Variants in AGO2 observed in about 807,000 individuals in gnomAD.
AGO2 encodes the protein argonaute RISC catalytic component 2.
Under a neutral mutation model 102.3 loss-of-function variants are expected in AGO2, and 5 were observed. That is an observed-to-expected ratio of 0.05 (90% CI 0.03 to 0.10). AGO2 has a LOEUF of 0.10. AGO2 is among the 10% of genes least tolerant of loss of function. The pLI, the probability that AGO2 is intolerant of heterozygous loss-of-function variation, is 1.00. For missense variants in AGO2, 541 were observed against 1,183.7 expected (o/e 0.46, Z 7.97); for synonymous variants, 449 against 473.1 (o/e 0.95, Z 0.66).
At chr8:140,560,589 C>T in intron 4 of AGO2, 79 bp from the exon 5 acceptor site, 1 of 1,516,276 alleles carries the variant, frequency 6.6e-7, no homozygotes, top group Non-Finnish European at 8.9e-7. Context: ...TGGGCTTCGC[C>T]TGCGCCCACC....
At chr8:140,629,838 AAAAAG>A (rs1284435872) in intron 1 of AGO2, among the ~76,000 whole-genome samples, 1 of 149,050 alleles carries the variant, frequency 6.7e-6, no homozygotes, top group Non-Finnish European at 1.5e-5. Flanking sequence ...ACCCTGTCAA[AAAAAG>A]AAAAGAAAAG....
At chr8:140,604,062 T>G (rs1020379555) in intron 1 of AGO2, among the ~76,000 whole-genome samples, 5 of 152,210 alleles carry the variant, frequency 3.3e-5, no homozygotes, top group Non-Finnish European at 5.9e-5. Context: ...TAAGTTGGCC[T>G]CTGACCAGAT....
At chr8:140,583,451 A>G (rs2073588956) in intron 2 of AGO2, among the ~76,000 whole-genome samples, 1 of 152,248 alleles carries the variant, frequency 6.6e-6, no homozygotes, top group Admixed American at 6.5e-5. Context: ...TGCAGTGTGA[A>G]CATCATAGAG....
At chr8:140,596,604 T>C (rs2073847375) in intron 1 of AGO2, among the ~76,000 whole-genome samples, 1 of 151,974 alleles carries the variant, frequency 6.6e-6, no homozygotes, top group Admixed American at 6.6e-5. Flanking sequence ...AAAAGCAAAA[T>C]AGAAGCTTAA....
Position 140,567,872 on chromosome 8 carries a change from C to T in AGO2, c.336+4940G>A, listed in dbSNP as rs911067620. On this transcript the variant is annotated intron_variant, in intron 3 of 18. Coordinates refer to ENST00000220592, the MANE Select transcript of AGO2 (RefSeq NM_012154.5). This position sits in a 1 kb window ranked among gnomAD's most constrained non-coding sequence, Gnocchi z 5.0. ...CCAGCCTGGGGCTCACGCCTGTAAT[C>T]CCAGTACCGTGGGAGGCCGAGGCGG... Among the ~76,000 whole-genome samples the T allele has an allele frequency of 6.6e-6, 1 of 152,176 alleles. No individual in the cohort carries two copies. Among genetic ancestry groups the T allele is most frequent in the South Asian group, 2.1e-4 (1 of 4,828 alleles).
intron 1 of AGO2, among the ~76,000 whole-genome samples, chr8:140,601,580 G>T (rs780002279): frequency 2.0e-5 from 3 of 152,238 alleles, no homozygotes; most frequent in East Asian, 3.9e-4. Context: ...CCTTTGCTCC[G>T]CAACCATGGC....
At position 140,589,570 on chromosome 8, in the gene AGO2, A is replaced by T. The variant is rs1288885745; in HGVS notation, c.23-4259T>A. Among the ~76,000 whole-genome samples the T allele has an allele frequency of 6.6e-6, 1 of 152,206 alleles. No individual in the cohort carries two copies. Among genetic ancestry groups the T allele is most frequent in the Non-Finnish European group, 1.5e-5 (1 of 68,036 alleles). On this transcript the variant is annotated intron_variant, in intron 1 of 18. Coordinates refer to ENST00000220592, the MANE Select transcript of AGO2 (RefSeq NM_012154.5). The surrounding 1 kb of genome is among the most constrained non-coding windows in gnomAD (Gnocchi z 4.2). ...TTCCAGAGCTCCAAAGTGAGTCATTATTCAAAGCCATGCTTCCCGATGGTC... is the reference window on the plus strand; with the variant it reads ...TTCCAGAGCTCCAAAGTGAGTCATTTTTCAAAGCCATGCTTCCCGATGGTC...
At chr8:140,598,184 G>A (rs540803147) in intron 1 of AGO2, among the ~76,000 whole-genome samples, 3 of 152,320 alleles carry the variant, frequency 2.0e-5, no homozygotes, top group African/African-American at 4.8e-5. Flanking sequence ...CCACAAGAGC[G>A]TCCACGACCC....
chr8:140,625,148 A>T (rs966936027), intron 1 of AGO2, among the ~76,000 whole-genome samples: 1 of 152,144 alleles, frequency 6.6e-6, no homozygotes, highest in African/African-American at 2.4e-5. Flanking sequence ...CCCTGCCCTC[A>T]GCCTGCACCT....
chr8:140,621,081 C>T (rs2074211377), intron 1 of AGO2, among the ~76,000 whole-genome samples: 1 of 152,124 alleles, frequency 6.6e-6, no homozygotes, highest in East Asian at 1.9e-4. Flanking sequence ...GGGCAGCAGC[C>T]TCTCCCTCAC....
At chr8:140,578,994 A>G (rs780327809) in intron 2 of AGO2, among the ~76,000 whole-genome samples, 2 of 152,228 alleles carry the variant, frequency 1.3e-5, no homozygotes, top group African/African-American at 2.4e-5. Flanking sequence ...ATTCTCACCA[A>G]AAGTTTCACA....
chr8:140,638,708 G>A (rs1157883910), upstream of AGO2, among the ~76,000 whole-genome samples: 2 of 151,948 alleles, frequency 1.3e-5, no homozygotes, highest in Non-Finnish European at 2.9e-5. Flanking sequence ...CTGAGCAGCT[G>A]GGACCACAGG....
In AGO2 at chr8:140,522,933, T is replaced by C. The variant is rs1438315189; in HGVS notation, c.*9111A>G. The C allele has an allele frequency of 2.0e-5, 3 of 152,202 alleles. No homozygotes were observed. Among genetic ancestry groups the C allele is most frequent in the Non-Finnish European group, 4.4e-5 (3 of 68,038 alleles). 9.4% of individuals were successfully genotyped at this position (152,202 alleles called of 1,614,324 possible). On this transcript the variant is annotated 3_prime_UTR_variant, in exon 19 of 19. Coordinates refer to ENST00000220592, the MANE Select transcript of AGO2 (RefSeq NM_012154.5). The stretch of plus-strand genomic sequence containing the variant: ...ATTGCCACCTAGCATCATGCAAGCG[T>C]GGACATCTTCAAGACACACAGCATG...
intron 1 of AGO2, among the ~76,000 whole-genome samples, chr8:140,597,183 G>A (rs1003275384): frequency 3.9e-5 from 6 of 152,198 alleles, no homozygotes; most frequent in African/African-American, 1.4e-4. Flanking sequence ...GCTCTGGCAG[G>A]GACGTTCCCT....
At chr8:140,566,906 C>T (rs1364985537) in intron 3 of AGO2, among the ~76,000 whole-genome samples, 1 of 152,186 alleles carries the variant, frequency 6.6e-6, no homozygotes. Context: ...CAGGTCACGG[C>T]GTGCAAGTGG....
At chr8:140,562,927 A>G (rs1199128951) in intron 3 of AGO2, among the ~76,000 whole-genome samples, 1 of 151,844 alleles carries the variant, frequency 6.6e-6, no homozygotes, top group Non-Finnish European at 1.5e-5. Flanking sequence ...CAAACAATGA[A>G]CTCACTACCT....
chr8:140,544,451 AACCCTGCAGATTAAATG>A (rs1267361533), intron 13 of AGO2, 148 bp from the exon 14 acceptor site: 6 of 676,450 alleles, frequency 8.9e-6, no homozygotes, highest in Non-Finnish European at 1.4e-5. Flanking sequence ...GAATACTAAA[AACCCTGCAGATTAAATG>A]ACACAAGGTC....
In AGO2 at chr8:140,585,218, T is replaced by C; in HGVS notation, c.116A>G (p.Lys39Arg). The stretch of plus-strand genomic sequence containing the variant: ...CATTTCGAAGAAATTGGCCTGTAAT[T>C]TGATTGTTCTCCCGGAGGTCCCAAA... ...PDFGTSGRTI[K>R]LQANFFEMDI... Residue 39 changes from lysine to arginine, a missense_variant, in exon 2 of 19, where the codon AAA becomes AGA. Coordinates refer to ENST00000220592, the MANE Select transcript of AGO2 (RefSeq NM_012154.5). 1 of 1,614,222 alleles carries C rather than the reference T, an allele frequency of 6.2e-7. No homozygotes were observed. The highest frequency in any genetic ancestry group is 8.5e-7 in the Non-Finnish European group (1 of 1,180,040).
chr8:140,585,450 G>A lies in AGO2; in HGVS notation c.23-139C>T, dbSNP rs1588480218. On this transcript the variant is annotated intron_variant, in intron 1 of 18. Coordinates refer to ENST00000220592, the MANE Select transcript of AGO2 (RefSeq NM_012154.5). ...CAGGCCAATATTGCATTCCACAGAG[G>A]AGGCGTCTCAACGTCAAGCCAATAA... The A allele has an allele frequency of 4.3e-6, 4 of 920,768 alleles. No individual in the cohort carries two copies. The South Asian group carries it at 5.4e-5, about 12-fold the overall frequency. The allele number at this position is 920,768 out of a possible 1,614,324, so 57.0% of individuals were successfully genotyped here. A position where few individuals can be genotyped will look rare whatever the true frequency, so the allele number is the denominator to read the frequency against.
Sources: allele counts gnomAD v4.1 joint callset (sites outside exome capture counted in the v4.1 genomes callset), GRCh38; gene constraint gnomAD v4.1.1; non-coding constraint Gnocchi (gnomAD v3.1); transcripts MANE v1.5; gene names NCBI Gene and HGNC (gene_info 2026-07-23, HGNC 2026-07-21).